DCPS: variants seen among roughly 807,000 people sequenced by gnomAD.
DCPS encodes the protein m7GpppX diphosphatase.
A neutral mutation model predicts 34.7 loss-of-function variants in DCPS; 27 were observed. That is an observed-to-expected ratio of 0.78 (90% CI 0.57 to 1.07). The LOEUF (loss-of-function observed/expected upper bound fraction) is 1.07. Among genes scored for constraint, DCPS ranks in the 50% least tolerant of loss-of-function variants. The pLI, the probability that DCPS is intolerant of heterozygous loss-of-function variation, is 0.00. For synonymous variants in DCPS, 185 were observed against 185.7 expected (o/e 1.00, Z 0.03); for missense variants, 464 against 436.9 (o/e 1.06, Z -0.55).
In DCPS at chr11:126,325,142, G is replaced by A. The variant is rs1951731017; in HGVS notation, c.377-6263G>A. Among the ~76,000 whole-genome samples the A allele has an allele frequency of 6.6e-6, 1 of 152,094 alleles. No homozygotes were observed. Among genetic ancestry groups the A allele is most frequent in the South Asian group, 2.1e-4 (1 of 4,818 alleles). On this transcript the variant is annotated intron_variant, in intron 2 of 5. Transcript: ENST00000263579. This position sits in a 1 kb window ranked among gnomAD's most constrained non-coding sequence, Gnocchi z 4.3. ...GTGGAGGTTGCAGTGAGCCAAGATC[G>A]TGCCATTGCACTCCAGCCTGGGAGA...
rs1474715292 is a variant in DCPS at position 126,348,981 on chromosome 11, C to G, written c.*3368C>G. Among the ~76,000 whole-genome samples, 1 of 152,188 alleles carries G rather than the reference C, an allele frequency of 6.6e-6. No homozygotes were observed. The highest frequency in any genetic ancestry group is 1.5e-5 in the Non-Finnish European group (1 of 68,042). ...CTTCTGGCCCTTTGTTCACCATTTCCCCAGAACCTAGGGTGGTGACTCACC... is the reference window on the plus strand; with the variant it reads ...CTTCTGGCCCTTTGTTCACCATTTCGCCAGAACCTAGGGTGGTGACTCACC... On this transcript the variant is annotated 3_prime_UTR_variant, in exon 6 of 6. Transcript: ENST00000263579. The surrounding 1 kb of genome is among the most constrained non-coding windows in gnomAD (Gnocchi z 5.3).
rs1018621508 is a variant in DCPS at position 126,313,211 on chromosome 11, G to A, written c.376+6467G>A. On this transcript the variant is annotated intron_variant, in intron 2 of 5. Coordinates refer to ENST00000263579, the MANE Select transcript of DCPS (RefSeq NM_014026.6). The surrounding 1 kb of genome is among the most constrained non-coding windows in gnomAD (Gnocchi z 4.9). ...AGGCATTTGTGAGTGAGGCCAGGGC[G>A]GGGAGCAGAGGGGTGGGATCCTGGG... is the stretch of plus-strand genomic sequence containing the variant. Among the ~76,000 whole-genome samples, 2 of 152,274 alleles carry A rather than the reference G, an allele frequency of 1.3e-5. No homozygotes were observed. The highest frequency in any genetic ancestry group is 4.8e-5 in the African/African-American group (2 of 41,542).
rs1951853167 is a variant in DCPS at position 126,338,544 on chromosome 11, A to G, written c.636+145A>G. 4.1e-6 allele frequency: 3 copies of G among 728,164 alleles called. No homozygotes were observed. Among genetic ancestry groups the G allele is most frequent in the African/African-American group, 3.5e-5 (2 of 57,002 alleles). 45.1% of individuals were successfully genotyped at this position (728,164 alleles called of 1,614,324 possible). ...GGGTTGGCCTGAGCTCTCTGTGGGG[A>G]CTGGGTGGATACCTGTCATACATAA... On this transcript the variant is annotated intron_variant, in intron 4 of 5. Transcript: ENST00000263579. This position sits in a 1 kb window ranked among gnomAD's most constrained non-coding sequence, Gnocchi z 5.4.
At chr11:126,304,435 G>C in intron 1 of DCPS, 154 bp downstream of exon 1, 1 of 779,314 alleles carries the variant, frequency 1.3e-6, no homozygotes, top group Non-Finnish European at 2.0e-6. Flanking sequence ...ATAGAGGGGC[G>C]GTGAAAGGCG....
chr11:126,304,868 T>C (rs1297874515), intron 1 of DCPS, among the ~76,000 whole-genome samples: 2 of 152,150 alleles, frequency 1.3e-5, no homozygotes, highest in Non-Finnish European at 2.9e-5. Flanking sequence ...CTTGCTCCAA[T>C]ACCAACGTGC....
rs2135324446 is a variant in DCPS, at chr11:126,328,575, C to T, written c.377-2830C>T. ...CCCTGGGTGGCTGGGGCAGGTCTCC[C>T]ACAGGCCTCGGCAGACCAGGGCATG... On this transcript the variant is annotated intron_variant, in intron 2 of 5. Coordinates refer to ENST00000263579, the MANE Select transcript of DCPS (RefSeq NM_014026.6). The surrounding 1 kb of genome is among the most constrained non-coding windows in gnomAD (Gnocchi z 6.6). Among the ~76,000 whole-genome samples, 1 of 152,252 alleles carries T rather than the reference C, an allele frequency of 6.6e-6. No individual in the cohort carries two copies. Among genetic ancestry groups the T allele is most frequent in the East Asian group, 1.9e-4 (1 of 5,166 alleles).
At chr11:126,307,757 T>G (rs1951584456) in intron 2 of DCPS, among the ~76,000 whole-genome samples, 1 of 152,186 alleles carries the variant, frequency 6.6e-6, no homozygotes, top group African/African-American at 2.4e-5. Context: ...TCAACAACAC[T>G]TAGGAAATCC....
chr11:126,308,836 A>C (rs897120992), intron 2 of DCPS, among the ~76,000 whole-genome samples: 6 of 150,474 alleles, frequency 4.0e-5, no homozygotes, highest in African/African-American at 1.5e-4. Flanking sequence ...GGCATTGCAC[A>C]CAAGTGGAGG....
At chr11:126,318,738 A>AG (rs1308244425) in intron 2 of DCPS, among the ~76,000 whole-genome samples, 1 of 152,212 alleles carries the variant, frequency 6.6e-6, no homozygotes, top group African/African-American at 2.4e-5. Flanking sequence ...CTCTGAGCAA[A>AG]GGGGAAGCAA....
Position 126,329,032 on chromosome 11 carries a change from T to G in DCPS, c.377-2373T>G, listed in dbSNP as rs1951761905. The stretch of plus-strand genomic sequence containing the variant: ...GGCTGACTGGCTCCAAAATCTCTGT[T>G]CTCATCCACCAAGCTCCACTGCAGA... On this transcript the variant is annotated intron_variant, in intron 2 of 5. Coordinates refer to ENST00000263579, the MANE Select transcript of DCPS (RefSeq NM_014026.6). This position sits in a 1 kb window ranked among gnomAD's most constrained non-coding sequence, Gnocchi z 5.0. Among the ~76,000 whole-genome samples the G allele has an allele frequency of 6.6e-6, 1 of 152,102 alleles. No homozygotes were observed. Among genetic ancestry groups the G allele is most frequent in the Non-Finnish European group, 1.5e-5 (1 of 68,008 alleles).
chr11:126,304,365 T>G (rs1951546190), intron 1 of DCPS, 84 bp downstream of exon 1: 7 of 1,502,314 alleles, frequency 4.7e-6, no homozygotes, highest in Admixed American at 3.6e-5. Flanking sequence ...TTTTCGGATC[T>G]CGGCTGGAAA....
rs1951651128 is a variant in DCPS at position 126,315,607 on chromosome 11, A to G, written c.376+8863A>G. 6.6e-6 allele frequency among the ~76,000 whole-genome samples: 1 copy of G among 152,042 alleles called. No homozygotes were observed. The highest frequency in any genetic ancestry group is 1.5e-5 in the Non-Finnish European group (1 of 68,016). On this transcript the variant is annotated intron_variant, in intron 2 of 5. Transcript: ENST00000263579. This position sits in a 1 kb window ranked among gnomAD's most constrained non-coding sequence, Gnocchi z 6.1. Reference sequence around the variant, plus strand: ...AAGAAAACCAGTAAAACCATTAAGGAGTATTTACATGATTGAGGCCATATT... The same window carrying G: ...AAGAAAACCAGTAAAACCATTAAGGGGTATTTACATGATTGAGGCCATATT...
intron 4 of DCPS, among the ~76,000 whole-genome samples, chr11:126,339,193 C>G (rs1488391428): frequency 6.6e-6 from 1 of 152,232 alleles, no homozygotes; most frequent in Non-Finnish European, 1.5e-5. Context: ...GAAGAAGGGC[C>G]TGGATAAGGC....
rs575949715 is a variant in DCPS at position 126,319,838 on chromosome 11, C to T, written c.377-11567C>T. Among the ~76,000 whole-genome samples, 3 of 152,278 alleles carry T rather than the reference C, an allele frequency of 2.0e-5. No individual in the cohort carries two copies. Among genetic ancestry groups the T allele is most frequent in the Admixed American group, 1.3e-4 (2 of 15,300 alleles). Reference sequence around the variant, plus strand: ...CTGGGTTCAGATCTCAGCTCTGCCACTATTAATAGCTGTGTGTCCTTGGGC... The same window carrying T: ...CTGGGTTCAGATCTCAGCTCTGCCATTATTAATAGCTGTGTGTCCTTGGGC... On this transcript the variant is annotated intron_variant, in intron 2 of 5. Coordinates refer to ENST00000263579, the MANE Select transcript of DCPS (RefSeq NM_014026.6). This position sits in a 1 kb window ranked among gnomAD's most constrained non-coding sequence, Gnocchi z 4.5.
At position 126,315,014 on chromosome 11, in the gene DCPS, C is replaced by T. The variant is rs73631801; in HGVS notation, c.376+8270C>T. Among the ~76,000 whole-genome samples the T allele has an allele frequency of 8.2e-4, 124 of 152,080 alleles. No homozygotes were observed. The highest frequency in any genetic ancestry group is 2.7e-3 in the African/African-American group (113 of 41,418). On this transcript the variant is annotated intron_variant, in intron 2 of 5. Coordinates refer to ENST00000263579, the MANE Select transcript of DCPS (RefSeq NM_014026.6). The surrounding 1 kb of genome is among the most constrained non-coding windows in gnomAD (Gnocchi z 6.1). ...AAAAAATTTAAAAAAATTGCTCTAC[C>T]GTAAAGACACATGCACACATATGTT...
At chr11:126,321,736 A>G (rs921049727) in intron 2 of DCPS, among the ~76,000 whole-genome samples, 1 of 152,186 alleles carries the variant, frequency 6.6e-6, no homozygotes, top group Non-Finnish European at 1.5e-5. Flanking sequence ...GTGTGGGGAG[A>G]AGACATTTCA....
Position 126,304,086 on chromosome 11 carries a change from G to T in DCPS, c.6G>T (p.Ala2=), listed in dbSNP as rs758435874. The change falls in exon 1 of 6, where the codon GCG becomes GCT. Residue 2 remains alanine (A), a synonymous_variant. Transcript: ENST00000263579. M[A]DAAPQLGKRK... ...CACACCGCCTCCGCGGCAGCATGGC[G>T]GACGCAGCTCCTCAACTAGGCAAGA... 1.9e-6 allele frequency: 3 copies of T among 1,599,618 alleles called. No homozygotes were observed. Among genetic ancestry groups the T allele is most frequent in the South Asian group, 2.2e-5 (2 of 89,706 alleles).
chr11:126,318,184 C>T (rs1951677857), intron 2 of DCPS, among the ~76,000 whole-genome samples: 1 of 152,220 alleles, frequency 6.6e-6, no homozygotes, highest in South Asian at 2.1e-4. Flanking sequence ...AATAGCAGCT[C>T]TGTGCTTTCC....
In DCPS at chr11:126,304,154, C is replaced by T. The variant is rs763808337; in HGVS notation, c.74C>T (p.Thr25Ile). The T allele has an allele frequency of 6.2e-7, 1 of 1,614,256 alleles. No homozygotes were observed. The highest frequency in any genetic ancestry group is 1.1e-5 in the South Asian group (1 of 91,088). ...LDVEEAHAAS[T>I]EEKEAGVGNG... ...GTGGAGGAGGCCCACGCCGCCAGCA[C>T]AGAGGAAAAGGAGGCAGGAGTTGGA... is the stretch of plus-strand genomic sequence containing the variant. Residue 25 changes from threonine (T) to isoleucine (I), a missense_variant, in exon 1 of 6, where the codon ACA (threonine) becomes ATA (isoleucine). Coordinates refer to ENST00000263579, the MANE Select transcript of DCPS (RefSeq NM_014026.6).
Sources: allele counts gnomAD v4.1 joint callset (sites outside exome capture counted in the v4.1 genomes callset), GRCh38; gene constraint gnomAD v4.1.1; non-coding constraint Gnocchi (gnomAD v3.1); transcripts MANE v1.5; gene names NCBI Gene and HGNC (gene_info 2026-07-23, HGNC 2026-07-21).